The following PFKM variants were observed in gnomAD, a reference collection of about 807,000 sequenced individuals.
PFKM encodes ATP-dependent 6-phosphofructokinase, muscle type.
In PFKM, 58 loss-of-function variants were observed where a neutral mutation model predicts 95.5. That is an observed-to-expected ratio of 0.61 (90% CI 0.49 to 0.76). PFKM has a LOEUF of 0.76. Among genes scored for constraint, PFKM ranks in the 30% least tolerant of loss-of-function variants. The pLI is 0.00. For missense variants in PFKM, 678 were observed against 1,005.4 expected, an observed-to-expected ratio of 0.67 and a Z score of 4.40; for synonymous variants, 336 against 357.2, an observed-to-expected ratio of 0.94 and a Z score of 0.67.
intron 14 of PFKM, 101 bp downstream of exon 14, chr12:48,140,972 C>A: frequency 8.2e-7 from 1 of 1,224,624 alleles, no homozygotes; most frequent in Non-Finnish European, 1.2e-6. Context: ...CTCACTACCT[C>A]TCTCTCCTCT....
At chr12:48,133,110 T>C in intron 5 of PFKM, 53 bp downstream of exon 5, 33 of 1,511,490 alleles carry the variant, frequency 2.2e-5, no homozygotes, top group Non-Finnish European at 2.9e-5. Flanking sequence ...CGTGCACGCG[T>C]GTACACACAC....
intron 2 of PFKM, among the ~76,000 whole-genome samples, chr12:48,127,972 G>A (rs1001231129): frequency 2.0e-5 from 3 of 152,156 alleles, no homozygotes; most frequent in African/African-American, 7.2e-5. Context: ...ACTTCTCATG[G>A]CACATAGGTG....
At chr12:48,106,030 A>T in exon 1 of PFKM, 1 of 701,582 alleles carries the variant, frequency 1.4e-6, no homozygotes. Context: ...CCACTCACCG[A>T]ACCGGAACCG....
upstream of PFKM, among the ~76,000 whole-genome samples, chr12:48,116,454 C>G (rs1405092664): frequency 6.6e-6 from 1 of 152,032 alleles, no homozygotes. Context: ...TTTTAGAGAA[C>G]TGTCTATTCA....
In PFKM at chr12:48,145,973, T is replaced by TA; in HGVS notation, c.*266dup. The TA allele has an allele frequency of 2.1e-6, 1 of 484,462 alleles. No homozygotes were observed. Among genetic ancestry groups the TA allele is most frequent in the Non-Finnish European group, 3.7e-6 (1 of 268,800 alleles). The allele number at this position is 484,462 out of a possible 1,614,324, so 30.0% of individuals were successfully genotyped here. A position where few individuals can be genotyped will look rare whatever the true frequency, so the allele number is the denominator to read the frequency against. ...TCTAGTGCTACTGCTAGATATCACT[T>TA]ACTCAGTTAGAATTTTCCTAAAAAT... On this transcript the variant is annotated 3_prime_UTR_variant, in exon 23 of 23. Coordinates refer to ENST00000359794, the MANE Select transcript of PFKM (RefSeq NM_000289.6). The surrounding 1 kb of genome is among the most constrained non-coding windows in gnomAD (Gnocchi z 4.3).
chr12:48,137,847 G>A lies in PFKM; in HGVS notation c.1062+1G>A, dbSNP rs766042700. 13 of 1,614,166 alleles carry A rather than the reference G, an allele frequency of 8.1e-6. No individual in the cohort carries two copies. Among genetic ancestry groups the A allele is most frequent in the Non-Finnish European group, 1.1e-5 (13 of 1,180,000 alleles). Reference sequence around the variant, plus strand: ...GCCCCTCATGGAATGTGTCCAGGTGGTAAGTACTGATCCTAAACCCCTTTC... The same window carrying A: ...GCCCCTCATGGAATGTGTCCAGGTGATAAGTACTGATCCTAAACCCCTTTC... On this transcript the variant is annotated splice_donor_variant, in intron 11 of 22. Transcript: ENST00000359794. LOFTEE classifies it high-confidence loss of function.
At chr12:48,117,052 C>G (rs1947739811), upstream of PFKM, among the ~76,000 whole-genome samples, 1 of 152,180 alleles carries the variant, frequency 6.6e-6, no homozygotes, top group South Asian at 2.1e-4. Flanking sequence ...GCCCCAGTAA[C>G]AACTGATATT....
rs1950593888 is a variant in PFKM at position 48,141,733 on chromosome 12, C to A, written c.1413-7C>A. On this transcript the variant is annotated splice_polypyrimidine_tract_variant and splice_region_variant and intron_variant, in intron 15 of 22. Coordinates refer to ENST00000359794, the MANE Select transcript of PFKM (RefSeq NM_000289.6). ...CCTTCCCCTCCCCGCCATCACTGATCAACTAGGACTCTACCCAAGAAGAGC... is the reference window on the plus strand; with the variant it reads ...CCTTCCCCTCCCCGCCATCACTGATAAACTAGGACTCTACCCAAGAAGAGC... 3 of 1,601,312 alleles carry A rather than the reference C, an allele frequency of 1.9e-6. No individual in the cohort carries two copies. The highest frequency in any genetic ancestry group is 1.3e-5 in the African/African-American group (1 of 74,784).
At position 48,140,946 on chromosome 12, in the gene PFKM, T is replaced by A. The variant is rs781069894; in HGVS notation, c.1341+75T>A. 7.4e-4 allele frequency: 1,108 copies of A among 1,504,550 alleles called. 1 individual carries two copies. The highest frequency in any genetic ancestry group is 9.7e-4 in the Non-Finnish European group (1,050 of 1,084,178). 93.2% of individuals were successfully genotyped at this position (1,504,550 alleles called of 1,614,324 possible). The stretch of plus-strand genomic sequence containing the variant: ...TAGCAAGAATGACCTGTCCATTCTC[T>A]TGGCTTCCTCTGTTCCTCACTACCT... On this transcript the variant is annotated intron_variant, in intron 14 of 22. Coordinates refer to ENST00000359794, the MANE Select transcript of PFKM (RefSeq NM_000289.6).
At chr12:48,143,638 A>C (rs1950771847) in intron 18 of PFKM, 115 bp from the exon 19 acceptor site, 1 of 814,104 alleles carries the variant, frequency 1.2e-6, no homozygotes, top group African/African-American at 1.7e-5. Context: ...CCAGGATTGT[A>C]AACAACTCTC....
Position 48,140,721 on chromosome 12 carries a change from G to A in PFKM, c.1192-1G>A, listed in dbSNP as rs1356170211. ...ATTTTTCCCTGCTTCCTCCTGTATAGAGTGGTTCGCACACAGTGGCTGTGA... is the reference window on the plus strand; with the variant it reads ...ATTTTTCCCTGCTTCCTCCTGTATAAAGTGGTTCGCACACAGTGGCTGTGA... On this transcript the variant is annotated splice_acceptor_variant, in intron 13 of 22. Coordinates refer to ENST00000359794, the MANE Select transcript of PFKM (RefSeq NM_000289.6). LOFTEE classifies it high-confidence loss of function. 6.2e-7 allele frequency: 1 copy of A among 1,614,140 alleles called. No individual in the cohort carries two copies. The highest frequency in any genetic ancestry group is 8.5e-7 in the Non-Finnish European group (1 of 1,180,030).
intron 10 of PFKM, among the ~76,000 whole-genome samples, chr12:48,136,835 C>A (rs1175588969): frequency 6.6e-6 from 1 of 150,836 alleles, no homozygotes; most frequent in Non-Finnish European, 1.5e-5. Context: ...CTCACTGCAA[C>A]CTCTGCCCCC....
chr12:48,124,636 A>G (rs1420081553), intron 2 of PFKM, among the ~76,000 whole-genome samples: 1 of 152,176 alleles, frequency 6.6e-6, no homozygotes, highest in East Asian at 1.9e-4. Flanking sequence ...GCTGTAAGAA[A>G]AAGACCCTGT....
In PFKM at chr12:48,145,195, C is replaced by T. The variant is rs1240271573; in HGVS notation, c.2093-15C>T. On this transcript the variant is annotated splice_polypyrimidine_tract_variant and intron_variant, in intron 21 of 22. Transcript: ENST00000359794. The surrounding 1 kb of genome is among the most constrained non-coding windows in gnomAD (Gnocchi z 4.3). ...TTCCCCAGTATAGAAGCTGACTGCC[C>T]ATCCCTCATTGCAGGGCGGATCTTT... The T allele has an allele frequency of 4.3e-6, 7 of 1,612,956 alleles. No individual in the cohort carries two copies. The highest frequency in any genetic ancestry group is 5.9e-6 in the Non-Finnish European group (7 of 1,179,058).
intron 3 of PFKM, among the ~76,000 whole-genome samples, chr12:48,114,120 C>G (rs1291237421): frequency 6.6e-6 from 1 of 152,148 alleles, no homozygotes. Context: ...CTAATGCCTT[C>G]CTGGAGGTGT....
At chr12:48,125,234 G>T (rs1177763208) in intron 2 of PFKM, 3 of 395,714 alleles carry the variant, frequency 7.6e-6, no homozygotes, top group African/African-American at 6.5e-5. Flanking sequence ...CCCCTGGAAA[G>T]GACCTCAGTC....
intron 3 of PFKM, among the ~76,000 whole-genome samples, chr12:48,111,882 G>C (rs765416790): frequency 3.3e-5 from 5 of 152,204 alleles, no homozygotes; most frequent in Admixed American, 6.5e-5. Flanking sequence ...GGAGCAGAAA[G>C]TATATGCATC....
At chr12:48,143,219 AAAG>A (rs1240869106) in intron 18 of PFKM, among the ~76,000 whole-genome samples, 2 of 152,234 alleles carry the variant, frequency 1.3e-5, no homozygotes, top group African/African-American at 2.4e-5. Context: ...ATAGACATGC[AAAG>A]AAGATACTAT....
upstream of PFKM, among the ~76,000 whole-genome samples, chr12:48,114,415 G>C (rs1310766823): frequency 6.6e-6 from 1 of 152,142 alleles, no homozygotes; most frequent in Non-Finnish European, 1.5e-5. Flanking sequence ...TGGGCAGGTG[G>C]GGGAGAGCTA....
Sources: gnomAD v4.1 joint callset for allele counts (sites outside exome capture counted in the v4.1 genomes callset) on GRCh38, gnomAD v4.1.1 for gene constraint, Gnocchi (gnomAD v3.1) non-coding constraint, MANE v1.5 for transcripts, NCBI Gene and HGNC (gene_info 2026-07-23, HGNC 2026-07-21) for gene names.